The following PIH1D2 variants were observed in gnomAD, a reference collection of about 807,000 sequenced individuals.
PIH1D2 encodes the protein PIH1 domain-containing protein 2.
PIH1D2 carries 25 observed loss-of-function variants against 31.2 expected under a neutral mutation model. The ratio of observed to expected loss-of-function variants is 0.80; its 90% confidence interval spans 0.58 to 1.12. The LOEUF (loss-of-function observed/expected upper bound fraction) is 1.12. Among genes scored for constraint, PIH1D2 ranks in the 50% most tolerant of loss-of-function variants. The pLI is 0.00. For missense variants in PIH1D2, 310 were observed against 356.6 expected (o/e 0.87, Z 1.05); for synonymous variants, 116 against 119.9 (o/e 0.97, Z 0.21).
intron 5 of PIH1D2, 43 bp downstream of exon 5, chr11:112,070,393 A>G: frequency 6.3e-7 from 1 of 1,587,612 alleles, no homozygotes; most frequent in Non-Finnish European, 8.6e-7. Flanking sequence ...ATGTTAGTGA[A>G]TGCTGGCCAA....
At chr11:112,068,800 A>C (rs765348021) in intron 5 of PIH1D2, among the ~76,000 whole-genome samples, 18 of 152,054 alleles carry the variant, frequency 1.2e-4, no homozygotes, top group Non-Finnish European at 2.4e-4. Context: ...TAAATAAATA[A>C]AAAGGACTTT....
downstream of PIH1D2, among the ~76,000 whole-genome samples, chr11:112,058,571 A>C (rs1364340874): frequency 2.4e-5 from 3 of 123,618 alleles, no homozygotes; most frequent in Admixed American, 1.0e-4. Flanking sequence ...CCACGGATAA[A>C]ATCCATGAAT....
At chr11:112,064,813 T>C (rs976700047), downstream of PIH1D2, among the ~76,000 whole-genome samples, 84 of 151,620 alleles carry the variant, frequency 5.5e-4, no homozygotes, top group African/African-American at 2.0e-3. Context: ...GATCTAAAAA[T>C]GAAGTCTGTA....
chr11:112,054,010 A>G, the PIH1D2 span, among the ~76,000 whole-genome samples: 2 of 151,984 alleles, frequency 1.3e-5, no homozygotes, highest in South Asian at 4.2e-4. Context: ...ACAAATTTGG[A>G]TTAAATCTAT....
chr11:112,070,295 T>A, intron 5 of PIH1D2, 141 bp downstream of exon 5: 1 of 990,580 alleles, frequency 1.0e-6, no homozygotes, highest in Non-Finnish European at 1.5e-6. Context: ...ATGGCACATC[T>A]CAGAAGGGAA....
downstream of PIH1D2, among the ~76,000 whole-genome samples, chr11:112,065,845 G>A (rs1864904232): frequency 6.6e-6 from 1 of 152,138 alleles, no homozygotes; most frequent in Non-Finnish European, 1.5e-5. Flanking sequence ...GCTGGGTGTG[G>A]TGGCAGTCGC....
intron 2 of PIH1D2, among the ~76,000 whole-genome samples, chr11:112,072,005 A>G (rs587622601): frequency 6.6e-6 from 1 of 152,248 alleles, no homozygotes; most frequent in East Asian, 1.9e-4. Flanking sequence ...AGGCAGGAGA[A>G]TCGCTTGAAC....
At chr11:112,068,114 T>C (rs782013675) in intron 5 of PIH1D2, 109 bp from the exon 6 acceptor site, 97 of 807,488 alleles carry the variant, frequency 1.2e-4, no homozygotes, top group Non-Finnish European at 1.7e-4. Flanking sequence ...TTTGTTGCCA[T>C]GTGACTTGGA....
intron 3 of PIH1D2, 37 bp downstream of exon 3, chr11:112,071,598 A>C (rs1555184636): frequency 6.3e-7 from 1 of 1,596,670 alleles, no homozygotes; most frequent in East Asian, 2.2e-5. Context: ...ATTCCTAATA[A>C]AATTTTTACA....
chr11:112,072,475 ATGAGCTGTGATTG>A (rs1379297630), intron 2 of PIH1D2, among the ~76,000 whole-genome samples: 1 of 127,812 alleles, frequency 7.8e-6, no homozygotes, highest in Admixed American at 9.3e-5. Context: ...TTGGGCTGCA[ATGAGCTGTGATTG>A]TGAGCTGTGA....
chr11:112,063,178 G>A (rs1191542139), downstream of PIH1D2: 2 of 152,226 alleles, frequency 1.3e-5, no homozygotes, highest in African/African-American at 2.4e-5. Flanking sequence ...CCCCCTACTT[G>A]AGATAATCTA....
Position 112,071,155 on chromosome 11 carries a change from G to T in PIH1D2, c.430C>A (p.Leu144Ile). The T allele has an allele frequency of 6.2e-7, 1 of 1,613,874 alleles. No individual in the cohort carries two copies. The highest frequency in any genetic ancestry group is 8.5e-7 in the Non-Finnish European group (1 of 1,179,912). ...TTGGTAATATGGTAAGAGTGTGAGA[G>T]GGTGAACTGGAATTTCTCCTCAATG... ...KCIEEKFQFT[L>I]SHSYHITKFR... The change falls in exon 4 of 6, where the codon CTC becomes ATC. Residue 144 changes from leucine to isoleucine, a missense_variant. Transcript: ENST00000280350.
At position 112,073,126 on chromosome 11, in the gene PIH1D2, T is replaced by A; in HGVS notation, c.49A>T (p.Asn17Tyr). Residue 17 changes from asparagine to tyrosine, a missense_variant, in exon 2 of 6, where the codon AAC (asparagine) becomes TAC (tyrosine). By Grantham distance (143) the Asn-to-Tyr change is moderately radical. Coordinates refer to ENST00000280350, the MANE Select transcript of PIH1D2 (RefSeq NM_138789.4). Reference sequence around the variant, plus strand: ...CTCTGAGCTAGATCATCTAGGAGGTTCCAAAACTGAGTAACTTGGGTAAGC... The same window carrying A: ...CTCTGAGCTAGATCATCTAGGAGGTACCAAAACTGAGTAACTTGGGTAAGC... ...GLLTQVTQFW[N>Y]LLDDLAQSDP... 1 of 1,613,946 alleles carries A rather than the reference T, an allele frequency of 6.2e-7. No homozygotes were observed. Among genetic ancestry groups the A allele is most frequent in the Non-Finnish European group, 8.5e-7 (1 of 1,179,892 alleles).
At chr11:112,061,023 T>C (rs1250694720), downstream of PIH1D2, 2 of 1,538,050 alleles carry the variant, frequency 1.3e-6, no homozygotes, top group African/African-American at 2.8e-5. Flanking sequence ...TTATTTTTAA[T>C]TTTTTTTCCT....
chr11:112,064,820 T>C (rs1474618484), downstream of PIH1D2, among the ~76,000 whole-genome samples: 4 of 151,560 alleles, frequency 2.6e-5, no homozygotes, highest in Admixed American at 2.0e-4. Context: ...AAATGAAGTC[T>C]GTAGAAAAAT....
chr11:112,065,762 C>G (rs1221159416), downstream of PIH1D2, among the ~76,000 whole-genome samples: 1 of 152,194 alleles, frequency 6.6e-6, no homozygotes, highest in Non-Finnish European at 1.5e-5. Context: ...GGGCAGATCA[C>G]TTGAGGTCAG....
intron 2 of PIH1D2, 72 bp downstream of exon 2, chr11:112,072,926 T>TAA: frequency 7.2e-7 from 1 of 1,398,190 alleles, no homozygotes. Flanking sequence ...TACCTAAGTG[T>TAA]AAAGTATTCT....
At chr11:112,062,634 G>T, downstream of PIH1D2, 1 of 1,385,006 alleles carries the variant, frequency 7.2e-7, no homozygotes. Flanking sequence ...ATTTTAACCA[G>T]TTATTTTTAT....
rs182354628 is a variant in PIH1D2, at chr11:112,071,847, C to G, written c.178-89G>C. 7.5e-4 allele frequency: 1,081 copies of G among 1,445,870 alleles called. 6 individuals carry two copies. In the African/African-American group the frequency reaches 0.013, roughly 17 times the overall value. The allele number at this position is 1,445,870 out of a possible 1,614,324, so 89.6% of individuals were successfully genotyped here. On this transcript the variant is annotated intron_variant, in intron 2 of 5. Transcript: ENST00000280350. ...GTGGCTCCCGCCTGTAATCCGAGCA[C>G]TTTGGGGGTCCAAGGCGGCCGGATC...
Sources: gnomAD v4.1 joint callset for allele counts (sites outside exome capture counted in the v4.1 genomes callset) on GRCh38, gnomAD v4.1.1 for gene constraint, MANE v1.5 for transcripts, NCBI Gene and HGNC (gene_info 2026-07-23, HGNC 2026-07-21) for gene names.